MAML2: variants seen among roughly 807,000 people sequenced by gnomAD.
The protein encoded by MAML2 is mastermind-like protein 2.
In MAML2, 22 loss-of-function variants were observed where a neutral mutation model predicts 96.1. That is an observed-to-expected ratio of 0.23 (90% CI 0.16 to 0.33). MAML2 has a LOEUF of 0.33. Ranked by LOEUF, MAML2 falls within the 10% of genes least tolerant of loss-of-function variation. The probability of loss-of-function intolerance (pLI) is 1.00; values close to 1 mark genes in which losing one functional copy is unlikely to be tolerated. For synonymous variants in MAML2, 561 were observed against 521.3 expected (o/e 1.08, Z -1.04); for missense variants, 1,367 against 1,392.4 (o/e 0.98, Z 0.29).
chr11:96,095,109 C>T (rs1052248139), intron 1 of MAML2, among the ~76,000 whole-genome samples: 10 of 152,110 alleles, frequency 6.6e-5, no homozygotes, highest in African/African-American at 2.4e-4. Flanking sequence ...TGGGCTTTAA[C>T]TCAAAGTTTG....
intron 1 of MAML2, among the ~76,000 whole-genome samples, chr11:96,182,243 T>C (rs1861497824): frequency 2.0e-5 from 3 of 152,236 alleles, no homozygotes; most frequent in Admixed American, 2.0e-4. Context: ...TGTAATGTTC[T>C]ACAAATATCG....
At chr11:96,192,163 C>G (rs192043779) in intron 1 of MAML2, among the ~76,000 whole-genome samples, 101 of 152,194 alleles carry the variant, frequency 6.6e-4, no homozygotes, top group Non-Finnish European at 2.8e-4. Context: ...AGCCGAGGGT[C>G]GAGGCTGGCT....
chr11:96,016,963 A>G (rs1751331100), intron 2 of MAML2, among the ~76,000 whole-genome samples: 1 of 152,194 alleles, frequency 6.6e-6, no homozygotes. Flanking sequence ...GAAACTATAT[A>G]AAATGTAAAA....
At chr11:96,147,822 G>A (rs1860843785) in intron 1 of MAML2, among the ~76,000 whole-genome samples, 1 of 152,200 alleles carries the variant, frequency 6.6e-6, no homozygotes, top group Non-Finnish European at 1.5e-5. Flanking sequence ...GTATTGTTCG[G>A]AGCAAAGTAT....
rs374873401 is a variant in MAML2, at chr11:96,170,816, G to A, written c.514-77299C>T. The stretch of plus-strand genomic sequence containing the variant: ...TGCAAGCTCCGCCTCCCGGGTTCAC[G>A]CCATTCTCCTGCCTCAGCCTCCCGA... On this transcript the variant is annotated intron_variant, in intron 1 of 4. Transcript: ENST00000524717. Among the ~76,000 whole-genome samples, 57 of 152,214 alleles carry A rather than the reference G, an allele frequency of 3.7e-4. No individual in the cohort carries two copies. The East Asian group carries it at 9.3e-3, about 25-fold the overall frequency.
At chr11:96,156,159 C>A (rs2135883535) in intron 1 of MAML2, among the ~76,000 whole-genome samples, 1 of 152,276 alleles carries the variant, frequency 6.6e-6, no homozygotes, top group East Asian at 1.9e-4. Flanking sequence ...TGGTCAGACT[C>A]TCTCCCCCAA....
chr11:96,282,007 T>C (rs1380916025), intron 1 of MAML2, among the ~76,000 whole-genome samples: 1 of 152,092 alleles, frequency 6.6e-6, no homozygotes, highest in Non-Finnish European at 1.5e-5. Context: ...CCCAGCACTT[T>C]GGGAGGCCGA....
intron 1 of MAML2, among the ~76,000 whole-genome samples, chr11:96,176,480 G>T (rs1222930110): frequency 6.6e-6 from 1 of 152,156 alleles, no homozygotes; most frequent in Non-Finnish European, 1.5e-5. Flanking sequence ...GAGAGCTAAG[G>T]TACCCTGGAT....
intron 2 of MAML2, among the ~76,000 whole-genome samples, chr11:96,078,977 A>G (rs1482831595): frequency 2.0e-5 from 3 of 152,196 alleles, no homozygotes; most frequent in Admixed American, 2.0e-4. Context: ...CATTCCTTCT[A>G]CGTAGTGAAT....
intron 1 of MAML2, among the ~76,000 whole-genome samples, chr11:96,241,564 G>A (rs894484672): frequency 6.6e-6 from 1 of 152,228 alleles, no homozygotes; most frequent in African/African-American, 2.4e-5. Context: ...CATACAAAAA[G>A]GACTTAGTCC....
At chr11:96,135,297 C>T (rs534243117) in intron 1 of MAML2, among the ~76,000 whole-genome samples, 1 of 152,266 alleles carries the variant, frequency 6.6e-6, no homozygotes, top group East Asian at 1.9e-4. Flanking sequence ...TTCCCAGTCT[C>T]CAAAACTGTG....
At chr11:96,137,814 T>A (rs1319346690) in intron 1 of MAML2, among the ~76,000 whole-genome samples, 2 of 152,218 alleles carry the variant, frequency 1.3e-5, no homozygotes, top group African/African-American at 4.8e-5. Flanking sequence ...AATTATTAAA[T>A]ATATTGATCT....
intron 2 of MAML2, among the ~76,000 whole-genome samples, chr11:96,074,167 C>T (rs2135791375): frequency 6.6e-6 from 1 of 152,196 alleles, no homozygotes; most frequent in African/African-American, 2.4e-5. Context: ...GTCTGAGGAC[C>T]ACTCAACTGA....
Position 96,342,275 on chromosome 11 carries a change from GA to G in MAML2, c.-381del. ...CTGGGGGTTAGATCAAGAATTCAGG[GA>G]TTGTCCAGCAAGAGACAGAAACACA... On this transcript the variant is annotated 5_prime_UTR_variant, in exon 1 of 5. Coordinates refer to ENST00000524717, the MANE Select transcript of MAML2 (RefSeq NM_032427.4). 2.3e-6 allele frequency: 1 copy of G among 433,020 alleles called. No individual in the cohort carries two copies. Among genetic ancestry groups the G allele is most frequent in the South Asian group, 7.8e-5 (1 of 12,812 alleles). The allele number at this position is 433,020 out of a possible 1,614,324, so 26.8% of individuals were successfully genotyped here.
At chr11:96,084,807 C>G (rs555460275) in intron 2 of MAML2, among the ~76,000 whole-genome samples, 2 of 152,282 alleles carry the variant, frequency 1.3e-5, no homozygotes, top group African/African-American at 4.8e-5. Context: ...TGTGGACTAC[C>G]AAGCAGGACC....
intron 1 of MAML2, among the ~76,000 whole-genome samples, chr11:96,166,926 A>G (rs190290032): frequency 3.9e-5 from 6 of 152,188 alleles, no homozygotes; most frequent in African/African-American, 1.4e-4. Context: ...CCCTTTATGC[A>G]CTTTTCCTGA....
intron 1 of MAML2, among the ~76,000 whole-genome samples, chr11:96,261,198 A>G (rs2135973356): frequency 6.6e-6 from 1 of 152,116 alleles, no homozygotes; most frequent in South Asian, 2.1e-4. Flanking sequence ...GGGGAACTGG[A>G]GACTTTATAA....
At chr11:96,285,915 G>A (rs1306002396) in intron 1 of MAML2, among the ~76,000 whole-genome samples, 1 of 152,164 alleles carries the variant, frequency 6.6e-6, no homozygotes, top group East Asian at 1.9e-4. Flanking sequence ...AGAGAGTGTG[G>A]CAATTCTTCA....
intron 1 of MAML2, among the ~76,000 whole-genome samples, chr11:96,100,735 C>CTTTTTTTTTTTTT (rs66593553): frequency 7.3e-6 from 1 of 136,160 alleles, no homozygotes. Flanking sequence ...GTCAAAATAG[C>CTTTTTTTTTTTTT]TTTTTTTTTT....
Sources: allele counts gnomAD v4.1 joint callset (sites outside exome capture counted in the v4.1 genomes callset), GRCh38; gene constraint gnomAD v4.1.1; transcripts MANE v1.5; gene names NCBI Gene and HGNC (gene_info 2026-07-23, HGNC 2026-07-21).